Variants in SDF4 observed in about 807,000 individuals in gnomAD.
SDF4 encodes 45 kDa calcium-binding protein.
In SDF4, 22 loss-of-function variants were observed where a neutral mutation model predicts 34.2. The observed-to-expected ratio is 0.64, with a 90% CI of 0.46 to 0.92. SDF4 has a LOEUF of 0.92. Among genes scored for constraint, SDF4 ranks in the 40% least tolerant of loss-of-function variants. SDF4 has a pLI of 0.00. For synonymous variants in SDF4, 236 were observed against 203.1 expected (o/e 1.16, Z -1.38); for missense variants, 447 against 499.9 (o/e 0.89, Z 1.01).
rs61743559 is a variant in SDF4, at chr1:1,228,635, C to T, written c.138G>A (p.Glu46=). Residue 46 remains glutamate (E), a synonymous_variant, in exon 2 of 7, where the codon GAG becomes GAA. Transcript: ENST00000360001. ...GGTGGTCTGGGGGCAGGATCTCATTCTCCTCCCTGTTGGCTACTCTCTCTC... is the reference window on the plus strand; with the variant it reads ...GGTGGTCTGGGGGCAGGATCTCATTTTCCTCCCTGTTGGCTACTCTCTCTC... The part of the protein sequence containing the change: ...STRERVANRE[E]NEILPPDHLN... 4 of 1,613,176 alleles carry T rather than the reference C, an allele frequency of 2.5e-6. No homozygotes were observed. The highest frequency in any genetic ancestry group is 1.6e-4 in the Middle Eastern group (1 of 6,084).
chr1:1,223,802 G>GC, intron 3 of SDF4, 30 bp downstream of exon 3: 1 of 127,970 alleles, frequency 7.8e-6, no homozygotes, highest in Non-Finnish European at 1.3e-5. Flanking sequence ...CCCGCCCACC[G>GC]CCCCACCCAC....
At chr1:1,226,570 C>A (rs1293088451) in intron 2 of SDF4, among the ~76,000 whole-genome samples, 1 of 152,212 alleles carries the variant, frequency 6.6e-6, no homozygotes, top group African/African-American at 2.4e-5. Context: ...GAACGTGGGT[C>A]CTGGAGGGAC....
In SDF4 at chr1:1,217,732, C is replaced by T. The variant is rs762276535; in HGVS notation, c.892-44G>A. The T allele has an allele frequency of 7.4e-6, 12 of 1,611,042 alleles. No homozygotes were observed. Among genetic ancestry groups the T allele is most frequent in the Admixed American group, 3.3e-5 (2 of 59,858 alleles). On this transcript the variant is annotated intron_variant, in intron 6 of 6. Coordinates refer to ENST00000360001, the MANE Select transcript of SDF4 (RefSeq NM_016176.6). The surrounding 1 kb of genome is among the most constrained non-coding windows in gnomAD (Gnocchi z 8.5). ...CAGGTCAGCGTCGCCTTTCCCCCTC[C>T]GAGCTCCGCGGCCAGCCGCACGAAG...
At chr1:1,223,203 G>A (rs755734252) in intron 4 of SDF4, 41 bp downstream of exon 4, 16 of 1,373,156 alleles carry the variant, frequency 1.2e-5, no homozygotes, top group African/African-American at 1.0e-4. Flanking sequence ...GCACACACAG[G>A]ATGCCTGAGA....
intron 2 of SDF4, 51 bp from the exon 3 acceptor site, chr1:1,224,019 C>T: frequency 6.2e-7 from 1 of 1,600,030 alleles, no homozygotes; most frequent in Non-Finnish European, 8.5e-7. Flanking sequence ...CCCCAGGACC[C>T]CGAACAGCCA....
At chr1:1,220,691 C>T (rs1445104974) in intron 4 of SDF4, 1 of 1,289,194 alleles carries the variant, frequency 7.8e-7, no homozygotes, top group Non-Finnish European at 1.0e-6. Context: ...GGAGGCTTCA[C>T]AGAAATGTCA....
intron 2 of SDF4, among the ~76,000 whole-genome samples, chr1:1,224,989 A>G (rs1449595353): frequency 6.6e-6 from 1 of 152,312 alleles, no homozygotes; most frequent in South Asian, 2.1e-4. Flanking sequence ...GGGACTTAAC[A>G]TTGTGTGCAA....
At chr1:1,223,139 G>T (rs750995116) in intron 4 of SDF4, 105 bp downstream of exon 4, 3 of 808,730 alleles carry the variant, frequency 3.7e-6, no homozygotes, top group African/African-American at 1.7e-5. Flanking sequence ...GCACACGCAC[G>T]GCACACTCAT....
intron 1 of SDF4, among the ~76,000 whole-genome samples, chr1:1,231,662 C>T (rs750074270): frequency 2.0e-5 from 3 of 152,262 alleles, no homozygotes; most frequent in African/African-American, 4.8e-5. Context: ...CAGTAGGAGA[C>T]CAGACGTGCC....
rs555957293 is a variant in SDF4 at position 1,225,268 on chromosome 1, C to T, written c.306-1300G>A. Among the ~76,000 whole-genome samples the T allele has an allele frequency of 3.0e-3, 457 of 152,340 alleles. 3 individuals carry two copies. Among genetic ancestry groups the T allele is most frequent in the African/African-American group, 0.011 (441 of 41,566 alleles). On this transcript the variant is annotated intron_variant, in intron 2 of 6. Transcript: ENST00000360001. ...CCAGAGGTGCGAGGTCTTGAGACCC[C>T]GGCTGGTGCGTTTGCCGGAGGCATC... is the stretch of plus-strand genomic sequence containing the variant.
At position 1,217,432 on chromosome 1, in the gene SDF4, G is replaced by A. The variant is rs1476257941; in HGVS notation, c.*80C>T. On this transcript the variant is annotated 3_prime_UTR_variant, in exon 7 of 7. Transcript: ENST00000360001. The surrounding 1 kb of genome is among the most constrained non-coding windows in gnomAD (Gnocchi z 8.5). ...GGGCGGCAGGGAAGAGGTGGGGTCC[G>A]GGACAGCCACGGAGCCCGGAGTCAC... The A allele has an allele frequency of 1.1e-5, 14 of 1,246,712 alleles. No homozygotes were observed. The highest frequency in any genetic ancestry group is 6.5e-5 in the African/African-American group (4 of 61,682). 77.2% of individuals were successfully genotyped at this position (1,246,712 alleles called of 1,614,324 possible).
Position 1,218,004 on chromosome 1 carries a change from CAA to C in SDF4, c.892-318_892-317del, listed in dbSNP as rs1402693287. ...GGAATCACAGGATTCTACATAAAAA[CAA>C]GATGACTCACTCAGCAGTGGGAGAA... On this transcript the variant is annotated intron_variant, in intron 6 of 6. Transcript: ENST00000360001. The surrounding 1 kb of genome is among the most constrained non-coding windows in gnomAD (Gnocchi z 7.9). Among the ~76,000 whole-genome samples the C allele has an allele frequency of 1.3e-5, 2 of 152,216 alleles. No individual in the cohort carries two copies. The highest frequency in any genetic ancestry group is 2.9e-5 in the Non-Finnish European group (2 of 68,024).
rs1234184887 is a variant in SDF4, at chr1:1,218,711, G to A, written c.715+58C>T. The stretch of plus-strand genomic sequence containing the variant: ...CTGCCCCGACCTCCCGACGATGCCC[G>A]GCCCCTGCCAGTCGGTCCTGGGTCC... On this transcript the variant is annotated intron_variant, in intron 5 of 6. Transcript: ENST00000360001. This position sits in a 1 kb window ranked among gnomAD's most constrained non-coding sequence, Gnocchi z 7.9. 25 of 1,611,292 alleles carry A rather than the reference G, an allele frequency of 1.6e-5. No individual in the cohort carries two copies. The highest frequency in any genetic ancestry group is 1.6e-4 in the Middle Eastern group (1 of 6,078).
rs1409796712 is a variant in SDF4, at chr1:1,217,364, G to C, written c.*148C>G. On this transcript the variant is annotated 3_prime_UTR_variant, in exon 7 of 7. Coordinates refer to ENST00000360001, the MANE Select transcript of SDF4 (RefSeq NM_016176.6). This position sits in a 1 kb window ranked among gnomAD's most constrained non-coding sequence, Gnocchi z 8.5. ...GGGGTGCGCGCTGCAGAGGGGACAC[G>C]CCGCTCATCAACTGGGGCAGCCGCG... 1.8e-6 allele frequency: 1 copy of C among 565,526 alleles called. No individual in the cohort carries two copies. The highest frequency in any genetic ancestry group is 2.1e-5 in the African/African-American group (1 of 48,764). 35.0% of individuals were successfully genotyped at this position (565,526 alleles called of 1,614,324 possible).
At chr1:1,220,070 C>CA (rs1434567749) in intron 4 of SDF4, 27 of 986,370 alleles carry the variant, frequency 2.7e-5, no homozygotes, top group African/African-American at 5.2e-5. Context: ...AGGAGAGGCA[C>CA]AGACGCCCCA....
At chr1:1,226,870 C>A (rs975539703) in intron 2 of SDF4, among the ~76,000 whole-genome samples, 1 of 152,218 alleles carries the variant, frequency 6.6e-6, no homozygotes, top group Admixed American at 6.5e-5. Flanking sequence ...GACGGGGACC[C>A]TTCCCCTGTG....
chr1:1,222,742 C>G (rs1046341555), intron 4 of SDF4, among the ~76,000 whole-genome samples: 2 of 152,260 alleles, frequency 1.3e-5, no homozygotes, highest in African/African-American at 2.4e-5. Flanking sequence ...ACAGCTCACA[C>G]GCTCCCCACC....
Position 1,218,937 on chromosome 1 carries a change from G to T in SDF4, c.557-10C>A, listed in dbSNP as rs1649715506. ...TCCAGGACTTCCTGTGCTGAGAGGG[G>T]CGCAGCCTGTGGGTATCGAGGCCGA... is the stretch of plus-strand genomic sequence containing the variant. On this transcript the variant is annotated splice_polypyrimidine_tract_variant and intron_variant, in intron 4 of 6. Transcript: ENST00000360001. The surrounding 1 kb of genome is among the most constrained non-coding windows in gnomAD (Gnocchi z 7.9). 1 of 1,610,538 alleles carries T rather than the reference G, an allele frequency of 6.2e-7. No individual in the cohort carries two copies. The highest frequency in any genetic ancestry group is 8.5e-7 in the Non-Finnish European group (1 of 1,178,770).
chr1:1,225,677 T>C (rs1009575300), intron 2 of SDF4, among the ~76,000 whole-genome samples: 4 of 151,606 alleles, frequency 2.6e-5, no homozygotes, highest in South Asian at 4.2e-4. Flanking sequence ...AATGCTCCGG[T>C]CACGCTCCAC....
Sources: gnomAD v4.1 joint callset for allele counts (sites outside exome capture counted in the v4.1 genomes callset) on GRCh38, gnomAD v4.1.1 for gene constraint, Gnocchi (gnomAD v3.1) non-coding constraint, MANE v1.5 for transcripts, NCBI Gene and HGNC (gene_info 2026-07-23, HGNC 2026-07-21) for gene names.